Variants in ST3GAL4 observed in about 807,000 individuals in gnomAD.
ST3GAL4 encodes the protein CMP-N-acetylneuraminate-beta-galactosamide-alpha-2,3-sialyltransferase 4.
ST3GAL4 carries 24 observed loss-of-function variants against 42.6 expected under a neutral mutation model. That is an observed-to-expected ratio of 0.56 (90% confidence interval 0.41 to 0.79). ST3GAL4 has a LOEUF of 0.79. Among genes scored for constraint, ST3GAL4 ranks in the 30% least tolerant of loss-of-function variants. The pLI is 0.00. For missense variants in ST3GAL4, 311 were observed against 430.8 expected, an observed-to-expected ratio of 0.72 and a Z score of 2.46; for synonymous variants, 135 against 163.2, an observed-to-expected ratio of 0.83 and a Z score of 1.32.
At chr11:126,405,952 A>G (rs2135540609) in intron 1 of ST3GAL4, 144 bp from the exon 2 acceptor site, 1 of 967,652 alleles carries the variant, frequency 1.0e-6, no homozygotes, top group Non-Finnish European at 1.5e-6. Context: ...GGATGAGAAA[A>G]CTCACCCTCA....
chr11:126,392,316 G>C lies in ST3GAL4; in HGVS notation c.-60-13780G>C, dbSNP rs1188104942. 2 of 985,862 alleles carry C rather than the reference G, an allele frequency of 2.0e-6. No individual in the cohort carries two copies. The highest frequency in any genetic ancestry group is 2.4e-6 in the Non-Finnish European group (2 of 829,934). The allele number at this position is 985,862 out of a possible 1,614,324, so 61.1% of individuals were successfully genotyped here. The stretch of plus-strand genomic sequence containing the variant: ...CTGGGACTGCACAGAGTTTACTGTC[G>C]GACATCAGTTCTGATATGGTGCAGC... On this transcript the variant is annotated intron_variant, in intron 1 of 10. Transcript: ENST00000444328. This position sits in a 1 kb window ranked among gnomAD's most constrained non-coding sequence, Gnocchi z 5.8.
chr11:126,387,471 A>G (rs1302129202), intron 1 of ST3GAL4, among the ~76,000 whole-genome samples: 3 of 151,976 alleles, frequency 2.0e-5, no homozygotes, highest in African/African-American at 4.8e-5. Context: ...TGAGCCCAGG[A>G]GTTTGAGACC....
intron 1 of ST3GAL4, among the ~76,000 whole-genome samples, chr11:126,405,109 G>T (rs921579119): frequency 6.6e-6 from 1 of 152,224 alleles, no homozygotes; most frequent in African/African-American, 2.4e-5. Flanking sequence ...GGGAAGGGCC[G>T]TGAAATGTAT....
At chr11:126,371,945 C>G (rs767284754) in intron 1 of ST3GAL4, among the ~76,000 whole-genome samples, 45 of 148,868 alleles carry the variant, frequency 3.0e-4, no homozygotes, top group Non-Finnish European at 5.5e-4. Context: ...TACTAGTGAG[C>G]CTGAGCATCT....
Position 126,413,559 on chromosome 11 carries a change from G to T in ST3GAL4, c.826G>T (p.Val276Leu), listed in dbSNP as rs1458686596. The change falls in exon 10 of 11, where the codon GTG becomes TTG. Residue 276 changes from valine (V) to leucine (L), a missense_variant. Coordinates refer to ENST00000444328, the MANE Select transcript of ST3GAL4 (RefSeq NM_001254757.2). ...ITLALHLCDL[V>L]HIAGFGYPDA... ...GCTGGCCCTCCACCTCTGTGACTTG[G>T]TGCACATTGCCGGCTTTGGCTACCC... 6.2e-7 allele frequency: 1 copy of T among 1,614,252 alleles called. No individual in the cohort carries two copies. The highest frequency in any genetic ancestry group is 2.2e-5 in the East Asian group (1 of 44,880).
In ST3GAL4 at chr11:126,391,442, C is replaced by T. The variant is rs570598013; in HGVS notation, c.-60-14654C>T. Among the ~76,000 whole-genome samples the T allele has an allele frequency of 9.2e-5, 14 of 152,206 alleles. No homozygotes were observed. Among genetic ancestry groups the T allele is most frequent in the Admixed American group, 3.9e-4 (6 of 15,294 alleles). ...GGAGTGGGGGTGCTGTTTCGGAGAG[C>T]GATGAATCAGGGGCTTGGGTGCTGA... On this transcript the variant is annotated intron_variant, in intron 1 of 10. Coordinates refer to ENST00000444328, the MANE Select transcript of ST3GAL4 (RefSeq NM_001254757.2). The surrounding 1 kb of genome is among the most constrained non-coding windows in gnomAD (Gnocchi z 5.5).
chr11:126,355,979 G>A lies in ST3GAL4; in HGVS notation c.-61+137G>A, dbSNP rs1316724375. On this transcript the variant is annotated intron_variant, in intron 1 of 10. Coordinates refer to ENST00000444328, the MANE Select transcript of ST3GAL4 (RefSeq NM_001254757.2). The surrounding 1 kb of genome is among the most constrained non-coding windows in gnomAD (Gnocchi z 7.1). ...GGCCCTGCACGTGGGCGCAGCGCGG[G>A]TCGGGGTGGGGCTGCCACAGCCCTG... 6.6e-6 allele frequency: 1 copy of A among 151,828 alleles called. No individual in the cohort carries two copies. Among genetic ancestry groups the A allele is most frequent in the Non-Finnish European group, 1.5e-5 (1 of 67,884 alleles). The allele number at this position is 151,828 out of a possible 1,614,324, so 9.4% of individuals were successfully genotyped here.
intron 1 of ST3GAL4, 190 bp from the exon 2 acceptor site, chr11:126,405,906 C>A: frequency 1.4e-6 from 1 of 694,526 alleles, no homozygotes; most frequent in Non-Finnish European, 2.4e-6. Context: ...TCACCTGGAT[C>A]CTTAATGCCG....
chr11:126,410,739 T>A lies in ST3GAL4; in HGVS notation c.771+1328T>A, dbSNP rs1954491555. Among the ~76,000 whole-genome samples, 1 of 152,234 alleles carries A rather than the reference T, an allele frequency of 6.6e-6. No individual in the cohort carries two copies. The highest frequency in any genetic ancestry group is 2.4e-5 in the African/African-American group (1 of 41,464). ...TTGCTTGGCGAGGAAGTTGTGCTCC[T>A]TGCTCTAAGGGACCTCAGTCTAGCA... On this transcript the variant is annotated intron_variant, in intron 9 of 10. Transcript: ENST00000444328. This position sits in a 1 kb window ranked among gnomAD's most constrained non-coding sequence, Gnocchi z 5.3.
chr11:126,409,476 TG>T lies in ST3GAL4; in HGVS notation c.771+68del, dbSNP rs1214778554. On this transcript the variant is annotated intron_variant, in intron 9 of 10. Transcript: ENST00000444328. The surrounding 1 kb of genome is among the most constrained non-coding windows in gnomAD (Gnocchi z 4.9). ...GCGGGAAGTAGGAGGGATGATCCTA[TG>T]GGCTTAGGAAGCCCTGGAAGGATCC... 16 of 1,604,746 alleles carry T rather than the reference TG, an allele frequency of 1.0e-5. No homozygotes were observed. The highest frequency in any genetic ancestry group is 1.4e-5 in the Non-Finnish European group (16 of 1,172,952).
intron 1 of ST3GAL4, among the ~76,000 whole-genome samples, chr11:126,370,160 T>C (rs1387067406): frequency 6.6e-6 from 1 of 152,250 alleles, no homozygotes; most frequent in Non-Finnish European, 1.5e-5. Flanking sequence ...GGAATAAGCT[T>C]CTGGCACGGA....
Position 126,406,861 on chromosome 11 carries a change from G to T in ST3GAL4, c.102-82G>T. ...CCCGGCACCTTGGGACCTTCATGCC[G>T]TGGGAGAAGGCTTAGGCTGCCTGGA... On this transcript the variant is annotated intron_variant, in intron 3 of 10. Transcript: ENST00000444328. The surrounding 1 kb of genome is among the most constrained non-coding windows in gnomAD (Gnocchi z 5.4). 1 of 1,302,398 alleles carries T rather than the reference G, an allele frequency of 7.7e-7. No individual in the cohort carries two copies. The highest frequency in any genetic ancestry group is 1.1e-6 in the Non-Finnish European group (1 of 906,618). The allele number at this position is 1,302,398 out of a possible 1,614,324, so 80.7% of individuals were successfully genotyped here. A position where few individuals can be genotyped will look rare whatever the true frequency, so the allele number is the denominator to read the frequency against.
Position 126,366,415 on chromosome 11 carries a change from T to C in ST3GAL4, c.-61+10573T>C, listed in dbSNP as rs1359240688. Reference sequence around the variant, plus strand: ...GTGTGTGTGTGCGCATGCCTGTGTCTGTGTGATCTGGTTCCCGGGTGTCTG... The same window carrying C: ...GTGTGTGTGTGCGCATGCCTGTGTCCGTGTGATCTGGTTCCCGGGTGTCTG... On this transcript the variant is annotated intron_variant, in intron 1 of 10. Transcript: ENST00000444328. The surrounding 1 kb of genome is among the most constrained non-coding windows in gnomAD (Gnocchi z 4.2). Among the ~76,000 whole-genome samples, 1 of 152,032 alleles carries C rather than the reference T, an allele frequency of 6.6e-6. No individual in the cohort carries two copies.
rs1953748761 is a variant in ST3GAL4 at position 126,396,193 on chromosome 11, A to ACTCT, written c.-60-9903_-60-9902insCTCT. ...ACAGTCCAGCTTGAGTCCCCTCTAG[A>ACTCT]ACGTGGGCAGCGGACACTAAGCCGA... is the stretch of plus-strand genomic sequence containing the variant. On this transcript the variant is annotated intron_variant, in intron 1 of 10. Coordinates refer to ENST00000444328, the MANE Select transcript of ST3GAL4 (RefSeq NM_001254757.2). The surrounding 1 kb of genome is among the most constrained non-coding windows in gnomAD (Gnocchi z 5.8). Among the ~76,000 whole-genome samples the ACTCT allele has an allele frequency of 3.3e-5, 5 of 151,888 alleles. No homozygotes were observed. The South Asian group carries it at 1.0e-3, about 32-fold the overall frequency.
intron 1 of ST3GAL4, among the ~76,000 whole-genome samples, chr11:126,370,203 T>G (rs547453063): frequency 9.2e-5 from 14 of 152,326 alleles, no homozygotes; most frequent in Admixed American, 8.5e-4. Flanking sequence ...TGATAAATAT[T>G]GTGAAATGTC....
In ST3GAL4 at chr11:126,408,081, C is replaced by T; in HGVS notation, c.342-18C>T. On this transcript the variant is annotated intron_variant, in intron 6 of 10. Transcript: ENST00000444328. ...TTAGAGTGTGGGGTGACATAGACCA[C>T]TCCTCTTTCTATGGCAGCCTCAGGT... 3.7e-6 allele frequency: 6 copies of T among 1,612,600 alleles called. No individual in the cohort carries two copies. The highest frequency in any genetic ancestry group is 5.1e-6 in the Non-Finnish European group (6 of 1,179,350).
chr11:126,403,593 C>T (rs561922748), intron 1 of ST3GAL4: 63 of 280,090 alleles, frequency 2.2e-4, no homozygotes, highest in Non-Finnish European at 2.3e-4. Flanking sequence ...TATGTTTAAG[C>T]TCCTCAGGTC....
chr11:126,406,070 G>A lies in ST3GAL4; in HGVS notation c.-60-26G>A, dbSNP rs1204767693. 1.1e-5 allele frequency: 17 copies of A among 1,551,360 alleles called. No individual in the cohort carries two copies. Among genetic ancestry groups the A allele is most frequent in the South Asian group, 5.9e-5 (5 of 84,046 alleles). ...GGCAGGAGAGTTTGTGAAGCTGACC[G>A]GACACCTGTGGCTCTTATTTCCTAG... On this transcript the variant is annotated intron_variant, in intron 1 of 10. Coordinates refer to ENST00000444328, the MANE Select transcript of ST3GAL4 (RefSeq NM_001254757.2). The surrounding 1 kb of genome is among the most constrained non-coding windows in gnomAD (Gnocchi z 5.4).
Position 126,406,474 on chromosome 11 carries a change from C to CT in ST3GAL4, c.19dup (p.Trp7LeufsTer44), listed in dbSNP as rs1305250389. The CT allele has an allele frequency of 1.2e-6, 2 of 1,614,062 alleles. No individual in the cohort carries two copies. Among genetic ancestry groups the CT allele is most frequent in the Non-Finnish European group, 1.7e-6 (2 of 1,180,030 alleles). ...CTCCTCTCTGCATGTGTCCTGCAGG[C>CT]TGGAAGCTCCTGGCCATGTTGGCTC... On this transcript the variant is annotated frameshift_variant and splice_region_variant, in exon 3 of 11. Transcript: ENST00000444328. LOFTEE classifies it high-confidence loss of function. The surrounding 1 kb of genome is among the most constrained non-coding windows in gnomAD (Gnocchi z 5.4).
Sources: gnomAD v4.1 joint callset for allele counts (sites outside exome capture counted in the v4.1 genomes callset) on GRCh38, gnomAD v4.1.1 for gene constraint, Gnocchi (gnomAD v3.1) non-coding constraint, MANE v1.5 for transcripts, NCBI Gene and HGNC (gene_info 2026-07-23, HGNC 2026-07-21) for gene names.